The following TEX11 variants were observed in gnomAD, a reference collection of about 807,000 sequenced individuals.
The protein encoded by TEX11 is testis-expressed protein 11.
In TEX11, 7 loss-of-function variants were observed where a neutral mutation model predicts 84.4. That is an observed-to-expected ratio of 0.08 (90% CI 0.05 to 0.16). The LOEUF (loss-of-function observed/expected upper bound fraction) is 0.16, where lower values mean the gene tolerates loss of function less well. TEX11 is among the 10% of genes least tolerant of loss of function. TEX11 has a pLI of 1.00. For synonymous variants in TEX11, 264 were observed against 222.8 expected (o/e 1.18, Z -1.64); for missense variants, 551 against 660.5 (o/e 0.83, Z 1.82).
At chrX:70,750,947 T>A (rs1193308783) in intron 9 of TEX11, among the ~76,000 whole-genome samples, 3 of 67,271 alleles carry the variant, frequency 4.5e-5, no homozygotes, top group South Asian at 1.0e-3. Context: ...TATATATATA[T>A]ATATATATAT....
chrX:70,607,526 G>A (rs1277140941), intron 22 of TEX11, among the ~76,000 whole-genome samples: 2 of 110,534 alleles, frequency 1.8e-5, no homozygotes, highest in Non-Finnish European at 3.8e-5. Context: ...TGAGGTTACA[G>A]TGAGCTATGA....
intron 13 of TEX11, among the ~76,000 whole-genome samples, chrX:70,699,334 C>G (rs181483425): frequency 3.9e-4 from 44 of 111,708 alleles, no homozygotes; most frequent in Non-Finnish European, 6.4e-4. Flanking sequence ...TGAGCCCAAT[C>G]AACCCACAGC....
intron 20 of TEX11, among the ~76,000 whole-genome samples, chrX:70,620,400 G>C (rs752090234): frequency 9.0e-6 from 1 of 111,499 alleles, no homozygotes; most frequent in East Asian, 2.8e-4. Context: ...AAAACAATGA[G>C]TTACCACTGC....
intron 9 of TEX11, among the ~76,000 whole-genome samples, chrX:70,798,857 A>T (rs1198048254): frequency 9.0e-6 from 1 of 110,850 alleles, no homozygotes; most frequent in Non-Finnish European, 1.9e-5. Context: ...TGGATTACAG[A>T]CTTAAATGTA....
intron 25 of TEX11, among the ~76,000 whole-genome samples, chrX:70,560,258 C>T (rs2088349039): frequency 9.1e-6 from 1 of 109,314 alleles, no homozygotes; most frequent in African/African-American, 3.3e-5. Context: ...TCAAGCGATT[C>T]TCCTGCCTCA....
chrX:70,591,342 T>A lies in TEX11; in HGVS notation c.2140+409A>T, dbSNP rs759073289. Among the ~76,000 whole-genome samples the A allele has an allele frequency of 2.7e-5, 3 of 110,708 alleles. No homozygotes were observed. In the South Asian group the frequency reaches 1.2e-3, roughly 44 times the overall value. Reference sequence around the variant, plus strand: ...TGGGCTGGGAGTGGTGGCTCACACCTGTAATCCCAGTACTTTGGGAGGCCG... The same window carrying A: ...TGGGCTGGGAGTGGTGGCTCACACCAGTAATCCCAGTACTTTGGGAGGCCG... On this transcript the variant is annotated intron_variant, in intron 25 of 29. Coordinates refer to ENST00000374333, the MANE Select transcript of TEX11 (RefSeq NM_031276.3).
At chrX:70,558,072 A>T (rs1435788894) in intron 25 of TEX11, among the ~76,000 whole-genome samples, 1 of 111,508 alleles carries the variant, frequency 9.0e-6, no homozygotes, top group East Asian at 2.8e-4. Flanking sequence ...GCTTGAACCA[A>T]GGAGGCAGAG....
chrX:70,712,228 C>A (rs2090443310), intron 13 of TEX11, among the ~76,000 whole-genome samples: 1 of 111,491 alleles, frequency 9.0e-6, no homozygotes, highest in African/African-American at 3.3e-5. Flanking sequence ...AAGAGTGATG[C>A]CTCCAGTTTT....
In TEX11 at chrX:70,609,122, T is replaced by C. The variant is rs1184011744; in HGVS notation, c.1848A>G (p.Arg616=). Residue 616 remains arginine (R), a synonymous_variant, in exon 22 of 30, where the codon AGA becomes AGG. Coordinates refer to ENST00000374333, the MANE Select transcript of TEX11 (RefSeq NM_031276.3). ...FGEEALSLES[R]ANEAQWFRKT... ...TTCGAAACCACTGAGCTTCATTAGC[T>C]CTTGACTCCAAACTTAAGGCTTCTT... The C allele has an allele frequency of 8.3e-7, 1 of 1,207,830 alleles. No individual in the cohort carries two copies. The highest frequency in any genetic ancestry group is 1.7e-5 in the African/African-American group (1 of 57,675).
intron 2 of TEX11, among the ~76,000 whole-genome samples, chrX:70,886,566 A>G (rs963010637): frequency 1.8e-5 from 2 of 111,816 alleles, no homozygotes; most frequent in African/African-American, 6.5e-5. Context: ...TTTTGCTGAC[A>G]GCAAATCTCA....
intron 25 of TEX11, among the ~76,000 whole-genome samples, chrX:70,572,363 G>A (rs1356704963): frequency 9.0e-6 from 1 of 111,606 alleles, no homozygotes; most frequent in African/African-American, 3.3e-5. Flanking sequence ...AGGTGCTGGA[G>A]AGGACGTGGA....
At chrX:70,626,547 G>A (rs895958240) in intron 18 of TEX11, among the ~76,000 whole-genome samples, 1 of 110,686 alleles carries the variant, frequency 9.0e-6, no homozygotes, top group African/African-American at 3.3e-5. Flanking sequence ...ATGTTCTACC[G>A]CATACCCAGT....
At chrX:70,730,035 C>G (rs943687642) in intron 11 of TEX11, among the ~76,000 whole-genome samples, 3 of 111,740 alleles carry the variant, frequency 2.7e-5, no homozygotes, top group Admixed American at 1.9e-4. Context: ...ATTTTCAACC[C>G]AAATTTCACG....
intron 21 of TEX11, 61 bp from the exon 22 acceptor site, chrX:70,609,238 T>A (rs2089231866): frequency 9.8e-7 from 1 of 1,017,644 alleles, no homozygotes; most frequent in Non-Finnish European, 1.3e-6. Flanking sequence ...CAAAATTGTT[T>A]AATCCTGCTT....
At chrX:70,773,376 T>C (rs2090983298) in intron 9 of TEX11, among the ~76,000 whole-genome samples, 1 of 111,026 alleles carries the variant, frequency 9.0e-6, no homozygotes, top group South Asian at 3.8e-4. Context: ...GGGTTGGGAA[T>C]GATACATTCT....
chrX:70,768,079 G>A (rs1418215158), intron 9 of TEX11, among the ~76,000 whole-genome samples: 1 of 111,051 alleles, frequency 9.0e-6, no homozygotes, highest in African/African-American at 3.3e-5. Context: ...TAGCGCAACA[G>A]GGAGAGTATA....
At chrX:70,678,320 G>A (rs1016637875) in intron 15 of TEX11, among the ~76,000 whole-genome samples, 1 of 109,980 alleles carries the variant, frequency 9.1e-6, no homozygotes, top group Non-Finnish European at 1.9e-5. Context: ...TTAATGGTAC[G>A]TCCCATCTGA....
chrX:70,661,116 C>T (rs1406937924), intron 16 of TEX11, among the ~76,000 whole-genome samples: 34 of 111,845 alleles, frequency 3.0e-4, no homozygotes, highest in Non-Finnish European at 1.9e-5. Context: ...CAGGGAATTC[C>T]CTTTCCTAGC....
chrX:70,607,131 A>G (rs2147524413), intron 22 of TEX11, 102 bp from the exon 23 acceptor site: 2 of 584,430 alleles, frequency 3.4e-6, no homozygotes, highest in East Asian at 7.6e-5. Context: ...TGATATTAAC[A>G]TACTAGTAAG....
Sources: allele counts gnomAD v4.1 joint callset (sites outside exome capture counted in the v4.1 genomes callset), GRCh38; gene constraint gnomAD v4.1.1; transcripts MANE v1.5; gene names NCBI Gene and HGNC (gene_info 2026-07-23, HGNC 2026-07-21).